KIF20B: variants seen among roughly 807,000 people sequenced by gnomAD.
The protein encoded by KIF20B is kinesin family member 20B.
A neutral mutation model predicts 232.5 loss-of-function variants in KIF20B; 188 were observed. The ratio of observed to expected loss-of-function variants is 0.81; its 90% CI spans 0.72 to 0.91. The LOEUF is 0.91. Among genes scored for constraint, KIF20B ranks in the 40% least tolerant of loss-of-function variants. The probability of loss-of-function intolerance (pLI) is 0.00; values close to 1 mark genes in which losing one functional copy is unlikely to be tolerated. For missense variants in KIF20B, 2,154 were observed against 2,055.9 expected, an observed-to-expected ratio of 1.05 and a Z score of -0.92; for synonymous variants, 712 against 683.0, an observed-to-expected ratio of 1.04 and a Z score of -0.66.
At chr10:89,748,962 G>A (rs1841973297) in intron 23 of KIF20B, among the ~76,000 whole-genome samples, 2 of 151,838 alleles carry the variant, frequency 1.3e-5, no homozygotes, top group African/African-American at 4.8e-5. Flanking sequence ...TTATTTTGGT[G>A]TTATTGTACA....
chr10:89,742,583 ATAT>A (rs1463545203), intron 21 of KIF20B, among the ~76,000 whole-genome samples: 1 of 152,120 alleles, frequency 6.6e-6, no homozygotes, highest in Non-Finnish European at 1.5e-5. Context: ...AAATTAGCAA[ATAT>A]TATGAATATG....
At position 89,737,794 on chromosome 10, in the gene KIF20B, A is replaced by T; in HGVS notation, c.2953A>T (p.Met985Leu). The part of the protein sequence containing the change: ...ITNNVSQIKL[M>L]HTKIDELRTL... ...AAATAATGTTTCACAAATAAAATTA[A>T]TGCACACGAAAATAGACGAACTACG... Residue 985 changes from methionine to leucine, a missense_variant, in exon 20 of 33, where the codon ATG (methionine) becomes TTG (leucine). Physicochemically the swap from Met to Leu is conservative, Grantham distance 15. Transcript: ENST00000371728. The T allele has an allele frequency of 2.5e-6, 4 of 1,612,866 alleles. No homozygotes were observed. The highest frequency in any genetic ancestry group is 3.4e-6 in the Non-Finnish European group (4 of 1,179,290).
chr10:89,738,522 A>G lies in KIF20B; in HGVS notation c.3681A>G (p.Glu1227=), dbSNP rs760282638. 1 of 1,603,178 alleles carries G rather than the reference A, an allele frequency of 6.2e-7. No individual in the cohort carries two copies. Among genetic ancestry groups the G allele is most frequent in the Admixed American group, 1.7e-5 (1 of 58,530 alleles). Residue 1227 remains glutamate, a synonymous_variant, in exon 20 of 33, where the codon GAA becomes GAG. Transcript: ENST00000371728. ...ATGTAAAGGAACTCAAGCTGAAAGA[A>G]GAAATCACACAGTTAACAAATAATT... is the stretch of plus-strand genomic sequence containing the variant. ...DLNVKELKLK[E]EITQLTNNLQ...
chr10:89,707,099 G>T (rs78160616), intron 2 of KIF20B, among the ~76,000 whole-genome samples: 179 of 152,194 alleles, frequency 1.2e-3, no homozygotes, highest in African/African-American at 4.2e-3. Context: ...TCAATGTAGA[G>T]GCCTTTCGTG....
At chr10:89,735,731 GGTTTCACC>G in intron 19 of KIF20B, among the ~76,000 whole-genome samples, 1 of 151,896 alleles carries the variant, frequency 6.6e-6, no homozygotes, top group African/African-American at 2.4e-5. Flanking sequence ...GTAGAGACAG[GGTTTCACC>G]ATGTTGGCCA....
rs573898233 is a variant in KIF20B at position 89,746,092 on chromosome 10, G to A, written c.4096+133G>A. ...CCTAGGGGGAGCATGCAGACGGGCA[G>A]GTCTTGAGTGTGGGCTCTGACCCTG... is the stretch of plus-strand genomic sequence containing the variant. On this transcript the variant is annotated intron_variant, in intron 23 of 32. Transcript: ENST00000371728. The A allele has an allele frequency of 9.1e-6, 6 of 658,870 alleles. No homozygotes were observed. The East Asian group carries it at 1.4e-4, about 15-fold the overall frequency. The allele number at this position is 658,870 out of a possible 1,614,324, so 40.8% of individuals were successfully genotyped here.
At chr10:89,754,719 G>C in intron 26 of KIF20B, 46 bp downstream of exon 26, 1 of 1,392,982 alleles carries the variant, frequency 7.2e-7, no homozygotes, top group East Asian at 2.6e-5. Flanking sequence ...ACTTTCCTTG[G>C]TGTGTTAAAT....
intron 23 of KIF20B, 26 bp downstream of exon 23, chr10:89,745,985 A>C (rs1334470923): frequency 1.9e-6 from 3 of 1,578,126 alleles, no homozygotes; most frequent in South Asian, 1.1e-5. Flanking sequence ...GTACTTCTGG[A>C]ACCAGAAAAG....
In KIF20B at chr10:89,728,412, A is replaced by G. The variant is rs7083387; in HGVS notation, c.2271+516A>G. Among the ~76,000 whole-genome samples the G allele has an allele frequency of 5.4e-3, 830 of 152,302 alleles. 10 individuals carry two copies. The highest frequency in any genetic ancestry group is 0.019 in the African/African-American group (794 of 41,564). ...TGTATGTATTTATAGAACACTTACCATTTACCAGATACTCCTTCAAGTGCT... is the reference window on the plus strand; with the variant it reads ...TGTATGTATTTATAGAACACTTACCGTTTACCAGATACTCCTTCAAGTGCT... On this transcript the variant is annotated intron_variant, in intron 17 of 32. Transcript: ENST00000371728.
chr10:89,708,215 T>G (rs1418717021), intron 2 of KIF20B, among the ~76,000 whole-genome samples: 2 of 41,766 alleles, frequency 4.8e-5, no homozygotes, highest in Non-Finnish European at 1.2e-4. Context: ...ACAATTTGTA[T>G]TTTTTTTTTT....
intron 7 of KIF20B, 29 bp downstream of exon 7, chr10:89,714,112 A>T: frequency 7.8e-7 from 1 of 1,282,086 alleles, no homozygotes; most frequent in Non-Finnish European, 1.1e-6. Context: ...CTTATCTTTG[A>T]TGTATCGATT....
intron 20 of KIF20B, 105 bp downstream of exon 20, chr10:89,738,722 C>T: frequency 7.4e-7 from 1 of 1,349,412 alleles, no homozygotes; most frequent in Non-Finnish European, 9.8e-7. Context: ...TAAAGCGTAG[C>T]ATGTATGATG....
chr10:89,759,726 TAATG>T (rs1842199140), intron 27 of KIF20B, among the ~76,000 whole-genome samples: 1 of 152,132 alleles, frequency 6.6e-6, no homozygotes, highest in South Asian at 2.1e-4. Context: ...GTTGTGAAAT[TAATG>T]AAGATTGTAA....
At chr10:89,713,356 C>G (rs1381524669) in intron 6 of KIF20B, among the ~76,000 whole-genome samples, 1 of 123,338 alleles carries the variant, frequency 8.1e-6, no homozygotes, top group Non-Finnish European at 1.7e-5. Flanking sequence ...GCAAGACTCT[C>G]TCAAAAAAAA....
chr10:89,742,802 C>A (rs918481959), intron 21 of KIF20B, among the ~76,000 whole-genome samples: 4 of 150,116 alleles, frequency 2.7e-5, no homozygotes, highest in African/African-American at 9.9e-5. Flanking sequence ...CGGGTTCAAG[C>A]AATTCTTCTG....
chr10:89,773,128 T>C (rs1469038813), intron 32 of KIF20B, among the ~76,000 whole-genome samples: 1 of 152,042 alleles, frequency 6.6e-6, no homozygotes, highest in African/African-American at 2.4e-5. Flanking sequence ...TCTTTCTCTT[T>C]TTTAAATCAC....
rs1343094354 is a variant in KIF20B, at chr10:89,757,067, T to TACAC, written c.4504-1638_4504-1637insCACA. On this transcript the variant is annotated intron_variant, in intron 26 of 32. Transcript: ENST00000371728. ...ATATATATATATATATATATATATATATACACACATGACAATTGCTAGATG... is the reference window on the plus strand; with the variant it reads ...ATATATATATATATATATATATATATACACATACACACATGACAATTGCTAGATG... Among the ~76,000 whole-genome samples the TACAC allele has an allele frequency of 3.0e-4, 40 of 132,066 alleles. No homozygotes were observed. The East Asian group carries it at 3.4e-3, about 11-fold the overall frequency. 86.6% of individuals were successfully genotyped at this position (132,066 alleles called of 152,430 possible).
chr10:89,710,123 G>A, intron 5 of KIF20B, 58 bp downstream of exon 5: 1 of 1,433,664 alleles, frequency 7.0e-7, no homozygotes, highest in Non-Finnish European at 9.5e-7. Flanking sequence ...ATCACTCAGT[G>A]TTTTTATAAT....
At chr10:89,762,878 T>G (rs1446400644) in intron 29 of KIF20B, 43 bp downstream of exon 29, 2 of 1,396,236 alleles carry the variant, frequency 1.4e-6, no homozygotes, top group Non-Finnish European at 2.0e-6. Context: ...ACAAATCTTA[T>G]TATAAAGCTG....
Sources: allele counts gnomAD v4.1 joint callset (sites outside exome capture counted in the v4.1 genomes callset), GRCh38; gene constraint gnomAD v4.1.1; transcripts MANE v1.5; gene names NCBI Gene and HGNC (gene_info 2026-07-23, HGNC 2026-07-21).